Variants in LRRC4C observed in about 807,000 individuals in gnomAD.
LRRC4C encodes leucine-rich repeat-containing protein 4C.
In LRRC4C, 5 loss-of-function variants were observed where a neutral mutation model predicts 33.6. The ratio of observed to expected loss-of-function variants is 0.15; its 90% CI spans 0.08 to 0.31. The LOEUF (loss-of-function observed/expected upper bound fraction) is 0.31, where lower values mean the gene tolerates loss of function less well. Ranked by LOEUF, LRRC4C falls within the 10% of genes least tolerant of loss-of-function variation. LRRC4C has a pLI of 1.00. For synonymous variants in LRRC4C, 329 were observed against 302.0 expected (o/e 1.09, Z -0.93); for missense variants, 560 against 796.7 (o/e 0.70, Z 3.58).
At chr11:41,329,652 C>A (rs769010108) in intron 1 of LRRC4C, among the ~76,000 whole-genome samples, 2 of 152,168 alleles carry the variant, frequency 1.3e-5, no homozygotes, top group African/African-American at 4.8e-5. Flanking sequence ...TCCAAATTGG[C>A]ATTTATAATA....
intron 2 of LRRC4C, among the ~76,000 whole-genome samples, chr11:40,891,018 A>G (rs1043557635): frequency 1.3e-5 from 2 of 152,028 alleles, no homozygotes; most frequent in African/African-American, 4.8e-5. Flanking sequence ...CGAAGCCGGG[A>G]GATCACCTGA....
intron 3 of LRRC4C, among the ~76,000 whole-genome samples, chr11:40,609,685 T>C (rs189519982): frequency 6.6e-6 from 1 of 151,894 alleles, no homozygotes; most frequent in East Asian, 1.9e-4. Context: ...GAAGACTTAG[T>C]AAATAAAATC....
At chr11:41,106,485 A>C (rs954511014) in intron 1 of LRRC4C, among the ~76,000 whole-genome samples, 1 of 152,092 alleles carries the variant, frequency 6.6e-6, no homozygotes, top group Non-Finnish European at 1.5e-5. Context: ...TGAATGTGGA[A>C]AAATTACTCA....
At position 40,287,889 on chromosome 11, in the gene LRRC4C, T is replaced by C. The variant is rs537631062; in HGVS notation, c.-176+31739A>G. On this transcript the variant is annotated intron_variant, in intron 4 of 6. Coordinates refer to ENST00000528697, the MANE Select transcript of LRRC4C (RefSeq NM_001258419.2). ...ATGGTCATATCTATTTATATGTTAC[T>C]CCAACCTTAATCTTGTCTATATATT... 2.0e-5 allele frequency among the ~76,000 whole-genome samples: 3 copies of C among 152,336 alleles called. No individual in the cohort carries two copies. The South Asian group carries it at 6.2e-4, about 32-fold the overall frequency.
chr11:40,280,456 T>C (rs10501226), intron 4 of LRRC4C, among the ~76,000 whole-genome samples: 6,116 of 152,320 alleles, frequency 0.04, 142 homozygotes, highest in South Asian at 0.1. Context: ...ATATATCCTA[T>C]GGCTCAGGTC....
chr11:40,662,576 G>A (rs1458856902), intron 2 of LRRC4C, among the ~76,000 whole-genome samples: 2 of 152,174 alleles, frequency 1.3e-5, no homozygotes, highest in East Asian at 1.9e-4. Context: ...CCGTGTTCAC[G>A]AAAAGAAACT....
chr11:40,966,035 T>C (rs1851334944), intron 1 of LRRC4C, among the ~76,000 whole-genome samples: 1 of 152,022 alleles, frequency 6.6e-6, no homozygotes, highest in Non-Finnish European at 1.5e-5. Context: ...TGTATCCTCT[T>C]TTATTTAATT....
intron 1 of LRRC4C, among the ~76,000 whole-genome samples, chr11:41,100,662 A>G (rs1254794281): frequency 6.6e-6 from 1 of 152,134 alleles, no homozygotes; most frequent in Non-Finnish European, 1.5e-5. Context: ...CAAACCAATG[A>G]CATTCTTCAC....
intron 5 of LRRC4C, among the ~76,000 whole-genome samples, chr11:40,167,073 TC>T (rs1427926337): frequency 6.6e-6 from 1 of 152,126 alleles, no homozygotes; most frequent in East Asian, 1.9e-4. Flanking sequence ...TTAAAGCACT[TC>T]CAATGTATAT....
chr11:41,179,010 G>T (rs1945329413), intron 1 of LRRC4C, among the ~76,000 whole-genome samples: 1 of 152,082 alleles, frequency 6.6e-6, no homozygotes, highest in Non-Finnish European at 1.5e-5. Flanking sequence ...CAAGAATCTG[G>T]TTTTTAATAT....
At chr11:40,436,156 A>G (rs1003245563) in intron 3 of LRRC4C, among the ~76,000 whole-genome samples, 1 of 152,194 alleles carries the variant, frequency 6.6e-6, no homozygotes, top group Non-Finnish European at 1.5e-5. Context: ...GGTCTCTCCA[A>G]AATAAATGGT....
intron 1 of LRRC4C, among the ~76,000 whole-genome samples, chr11:41,243,877 G>A (rs981707387): frequency 6.6e-6 from 1 of 151,974 alleles, no homozygotes; most frequent in African/African-American, 2.4e-5. Flanking sequence ...CATGAATATC[G>A]CTATTATACA....
intron 3 of LRRC4C, among the ~76,000 whole-genome samples, chr11:40,508,542 GA>G (rs1955152687): frequency 6.6e-6 from 1 of 152,228 alleles, no homozygotes; most frequent in South Asian, 2.1e-4. Context: ...CACCAGGCCA[GA>G]ATGAAATAAT....
intron 2 of LRRC4C, among the ~76,000 whole-genome samples, chr11:40,799,162 T>C (rs933960058): frequency 1.3e-5 from 2 of 152,142 alleles, no homozygotes; most frequent in Non-Finnish European, 2.9e-5. Context: ...ATGACTAGTT[T>C]TTACTTCATC....
In LRRC4C at chr11:41,046,010, A is replaced by G. The variant is rs562658582; in HGVS notation, c.-495-112287T>C. On this transcript the variant is annotated intron_variant, in intron 1 of 6. Coordinates refer to ENST00000528697, the MANE Select transcript of LRRC4C (RefSeq NM_001258419.2). ...AAGACCTAAAAAGAACAGAGAACTA[A>G]CCAGTAGAAAGAAAAAGACAAAGAA... Among the ~76,000 whole-genome samples the G allele has an allele frequency of 2.0e-5, 3 of 152,232 alleles. No homozygotes were observed. The South Asian group carries it at 6.2e-4, about 32-fold the overall frequency.
intron 1 of LRRC4C, among the ~76,000 whole-genome samples, chr11:41,459,032 C>A (rs1433332241): frequency 1.3e-5 from 2 of 152,096 alleles, no homozygotes; most frequent in Admixed American, 1.3e-4. Context: ...ACCTCCCCAG[C>A]CCCCAGTCTC....
At chr11:41,048,021 T>C (rs145059070) in intron 1 of LRRC4C, among the ~76,000 whole-genome samples, 1,602 of 152,302 alleles carry the variant, frequency 0.011, 14 homozygotes, top group Middle Eastern at 0.031. Flanking sequence ...CTGAACTTTA[T>C]ACTTGAGTTA....
Position 40,114,341 on chromosome 11 carries a change from T to C in LRRC4C, c.*29A>G. The C allele has an allele frequency of 6.6e-7, 1 of 1,521,736 alleles. No homozygotes were observed. The highest frequency in any genetic ancestry group is 1.4e-5 in the African/African-American group (1 of 71,826). The allele number at this position is 1,521,736 out of a possible 1,614,324, so 94.3% of individuals were successfully genotyped here. ...TTAATAAACTGTCTTTTTTTTTGAT[T>C]GTTTGTTTTTTGTAACTCTGTAAAT... On this transcript the variant is annotated 3_prime_UTR_variant, in exon 7 of 7. Coordinates refer to ENST00000528697, the MANE Select transcript of LRRC4C (RefSeq NM_001258419.2).
chr11:40,376,368 A>T (rs1289026462), intron 3 of LRRC4C, among the ~76,000 whole-genome samples: 1 of 152,168 alleles, frequency 6.6e-6, no homozygotes, highest in Non-Finnish European at 1.5e-5. Flanking sequence ...GTGCTTTTAT[A>T]TAGAAACACA....
Sources: gnomAD v4.1 joint callset for allele counts (sites outside exome capture counted in the v4.1 genomes callset) on GRCh38, gnomAD v4.1.1 for gene constraint, MANE v1.5 for transcripts, NCBI Gene and HGNC (gene_info 2026-07-23, HGNC 2026-07-21) for gene names.